The following CDC42BPB variants were observed in gnomAD, a reference collection of about 807,000 sequenced individuals.
CDC42BPB encodes CDC42 binding protein kinase beta.
CDC42BPB carries 37 observed loss-of-function variants against 214.9 expected under a neutral mutation model. The observed-to-expected ratio is 0.17, with a 90% CI of 0.13 to 0.23. The LOEUF (loss-of-function observed/expected upper bound fraction) is 0.23, where lower values mean the gene tolerates loss of function less well. CDC42BPB is among the 10% of genes least tolerant of loss of function. CDC42BPB has a pLI of 1.00. For synonymous variants in CDC42BPB, 931 were observed against 884.0 expected (o/e 1.05, Z -0.94); for missense variants, 1,694 against 2,227.0 (o/e 0.76, Z 4.82).
At position 102,949,644 on chromosome 14, in the gene CDC42BPB, C is replaced by T. The variant is rs1892389615; in HGVS notation, c.3449+121G>A. On this transcript the variant is annotated intron_variant, in intron 26 of 36. Coordinates refer to ENST00000361246, the MANE Select transcript of CDC42BPB (RefSeq NM_006035.4). ...AGCTGTACCCATTTTTGCAACCATACAATAATGAAGCAGGTGAAGTACTAA... is the reference window on the plus strand; with the variant it reads ...AGCTGTACCCATTTTTGCAACCATATAATAATGAAGCAGGTGAAGTACTAA... 25 of 1,316,286 alleles carry T rather than the reference C, an allele frequency of 1.9e-5. 1 individual carries two copies. Among genetic ancestry groups the T allele is most frequent in the South Asian group, 4.1e-5 (3 of 73,590 alleles). The allele number at this position is 1,316,286 out of a possible 1,614,324, so 81.5% of individuals were successfully genotyped here.
chr14:102,961,212 C>T (rs1892942333), intron 20 of CDC42BPB, among the ~76,000 whole-genome samples: 1 of 151,890 alleles, frequency 6.6e-6, no homozygotes, highest in Admixed American at 6.6e-5. Context: ...CATGAAGCCA[C>T]ACAAGTATGA....
chr14:102,949,995 C>A, intron 25 of CDC42BPB, 91 bp from the exon 26 acceptor site: 1 of 1,566,404 alleles, frequency 6.4e-7, no homozygotes. Context: ...CTTCCAGCTG[C>A]CAGGCTGGCG....
chr14:102,951,059 G>T (rs1892469038), intron 24 of CDC42BPB, among the ~76,000 whole-genome samples: 1 of 152,204 alleles, frequency 6.6e-6, no homozygotes, highest in Non-Finnish European at 1.5e-5. Flanking sequence ...TTGCAAGGCA[G>T]AATCCACACA....
intron 1 of CDC42BPB, among the ~76,000 whole-genome samples, chr14:103,014,169 A>G (rs113767497): frequency 3.4e-4 from 1 of 2,912 alleles, no homozygotes; most frequent in Non-Finnish European, 7.8e-4. Flanking sequence ...CCGTCTCAAA[A>G]AAAAAAAAAA....
At chr14:103,034,269 G>A (rs1217761460) in intron 1 of CDC42BPB, among the ~76,000 whole-genome samples, 6 of 152,210 alleles carry the variant, frequency 3.9e-5, no homozygotes, top group East Asian at 1.9e-4. Context: ...TATTCCCAGC[G>A]TTTTGGGAGG....
At chr14:102,964,239 G>A (rs1330123051) in intron 19 of CDC42BPB, among the ~76,000 whole-genome samples, 1 of 152,196 alleles carries the variant, frequency 6.6e-6, no homozygotes, top group Non-Finnish European at 1.5e-5. Context: ...ACAAGCACCC[G>A]CTGCCGTCAA....
chr14:102,956,285 A>T (rs1892702606), intron 21 of CDC42BPB: 2 of 186,006 alleles, frequency 1.1e-5, no homozygotes, highest in Non-Finnish European at 2.0e-5. Flanking sequence ...AGGAGGAGAG[A>T]GAGTCCTTGG....
In CDC42BPB at chr14:102,933,534, G is replaced by T; in HGVS notation, c.*178C>A. ...TGCAGACGAACAGATGTGGTCTACT[G>T]CCACGAACAATGCGGCATAAAACTG... On this transcript the variant is annotated 3_prime_UTR_variant, in exon 37 of 37. Coordinates refer to ENST00000361246, the MANE Select transcript of CDC42BPB (RefSeq NM_006035.4). 1 of 529,644 alleles carries T rather than the reference G, an allele frequency of 1.9e-6. No homozygotes were observed. The highest frequency in any genetic ancestry group is 3.1e-6 in the Non-Finnish European group (1 of 322,642). 32.8% of individuals were successfully genotyped at this position (529,644 alleles called of 1,614,324 possible).
intron 5 of CDC42BPB, among the ~76,000 whole-genome samples, chr14:102,998,255 T>G (rs1894829258): frequency 6.6e-6 from 1 of 152,148 alleles, no homozygotes; most frequent in Non-Finnish European, 1.5e-5. Flanking sequence ...AATTTCAATT[T>G]CATAGATGTG....
intron 34 of CDC42BPB, among the ~76,000 whole-genome samples, 199 bp downstream of exon 34, chr14:102,939,411 T>C (rs1185937377): frequency 2.6e-5 from 4 of 152,222 alleles, no homozygotes; most frequent in South Asian, 2.1e-4. Flanking sequence ...CCGAGGCCTG[T>C]GCACAAGGCC....
chr14:103,053,026 A>G (rs189837130), intron 1 of CDC42BPB, among the ~76,000 whole-genome samples: 98 of 152,340 alleles, frequency 6.4e-4, no homozygotes, highest in African/African-American at 2.2e-3. Flanking sequence ...TTCAAATGGT[A>G]TCAAGATATT....
At chr14:102,968,082 G>A (rs1003554895) in intron 16 of CDC42BPB, among the ~76,000 whole-genome samples, 171 bp downstream of exon 16, 20 of 150,796 alleles carry the variant, frequency 1.3e-4, no homozygotes, top group Admixed American at 4.0e-4. Context: ...GCGACAGAGC[G>A]AGACTCCATC....
intron 1 of CDC42BPB, among the ~76,000 whole-genome samples, chr14:103,013,092 A>G (rs1032727741): frequency 1.6e-4 from 24 of 152,236 alleles, no homozygotes; most frequent in Non-Finnish European, 3.1e-4. Flanking sequence ...TCATCACACA[A>G]AAGTCTCCTA....
At chr14:102,973,859 G>A (rs1359316201) in intron 12 of CDC42BPB, among the ~76,000 whole-genome samples, 157 bp downstream of exon 12, 1 of 152,218 alleles carries the variant, frequency 6.6e-6, no homozygotes, top group African/African-American at 2.4e-5. Flanking sequence ...GGCGTGGCAG[G>A]GGCCCCGGGG....
chr14:102,956,450 CAA>C (rs1892708913), intron 21 of CDC42BPB: 2 of 983,632 alleles, frequency 2.0e-6, no homozygotes, highest in Admixed American at 6.1e-5. Context: ...AGACAATTTT[CAA>C]AAGAGTCTGG....
chr14:102,971,291 A>T (rs923596814), intron 13 of CDC42BPB, among the ~76,000 whole-genome samples: 9 of 152,346 alleles, frequency 5.9e-5, no homozygotes, highest in African/African-American at 2.2e-4. Flanking sequence ...CATGTTACTT[A>T]TGTTAACATG....
At position 102,933,379 on chromosome 14, in the gene CDC42BPB, G is replaced by A. The variant is rs1054917095; in HGVS notation, c.*333C>T. ...AGATGTCTGCTTCCGAAGCAGCCGCGTCATGACGGGTTTCTGCTGAGGAAG... is the reference window on the plus strand; with the variant it reads ...AGATGTCTGCTTCCGAAGCAGCCGCATCATGACGGGTTTCTGCTGAGGAAG... On this transcript the variant is annotated 3_prime_UTR_variant, in exon 37 of 37. Transcript: ENST00000361246. 8.5e-6 allele frequency: 2 copies of A among 236,626 alleles called. No individual in the cohort carries two copies. The highest frequency in any genetic ancestry group is 8.1e-6 in the Non-Finnish European group (1 of 123,126). 14.7% of individuals were successfully genotyped at this position (236,626 alleles called of 1,614,324 possible). A position where few individuals can be genotyped will look rare whatever the true frequency, so the allele number is the denominator to read the frequency against.
At chr14:102,946,710 G>T in intron 27 of CDC42BPB, 26 bp from the exon 28 acceptor site, 2 of 1,610,318 alleles carry the variant, frequency 1.2e-6, no homozygotes, top group Non-Finnish European at 1.7e-6. Flanking sequence ...CAGAAGAGAA[G>T]AGAGAAGTCA....
In CDC42BPB at chr14:102,944,692, A is replaced by C. The variant is rs1892070202; in HGVS notation, c.3812-205T>G. ...ACGCCCCCCGGAGAAGCTGCCCCAC[A>C]TCCACAGCGCGCTCCTGGGGCAGCC... On this transcript the variant is annotated intron_variant, in intron 29 of 36. Coordinates refer to ENST00000361246, the MANE Select transcript of CDC42BPB (RefSeq NM_006035.4). The surrounding 1 kb of genome is among the most constrained non-coding windows in gnomAD (Gnocchi z 6.6). The C allele has an allele frequency of 1.0e-6, 1 of 984,618 alleles. No homozygotes were observed. The highest frequency in any genetic ancestry group is 1.2e-6 in the Non-Finnish European group (1 of 829,400). The allele number at this position is 984,618 out of a possible 1,614,324, so 61.0% of individuals were successfully genotyped here.
Sources: gnomAD v4.1 joint callset for allele counts (sites outside exome capture counted in the v4.1 genomes callset) on GRCh38, gnomAD v4.1.1 for gene constraint, Gnocchi (gnomAD v3.1) non-coding constraint, MANE v1.5 for transcripts, NCBI Gene and HGNC (gene_info 2026-07-23, HGNC 2026-07-21) for gene names.